The following HCN1 variants were observed in gnomAD, a reference collection of about 807,000 sequenced individuals.
HCN1 encodes the protein hyperpolarization activated cyclic nucleotide gated potassium channel 1.
HCN1 carries 13 observed loss-of-function variants against 78.9 expected under a neutral mutation model. The ratio of observed to expected loss-of-function variants is 0.16; its 90% CI spans 0.11 to 0.26. The LOEUF (loss-of-function observed/expected upper bound fraction) is 0.26. Among genes scored for constraint, HCN1 ranks in the 10% least tolerant of loss-of-function variants. HCN1 has a pLI of 1.00. For missense variants in HCN1, 810 were observed against 1,154.3 expected (o/e 0.70, Z 4.32); for synonymous variants, 552 against 455.5 (o/e 1.21, Z -2.70).
intron 2 of HCN1, among the ~76,000 whole-genome samples, chr5:45,562,420 C>T (rs571026389): frequency 1.3e-5 from 2 of 152,062 alleles, no homozygotes; most frequent in East Asian, 3.9e-4. Flanking sequence ...TCCTGTAATC[C>T]TAACACTTTG....
chr5:45,358,882 C>T (rs938597037), intron 4 of HCN1, among the ~76,000 whole-genome samples: 1 of 152,044 alleles, frequency 6.6e-6, no homozygotes, highest in Non-Finnish European at 1.5e-5. Flanking sequence ...GACAGAGAAA[C>T]ATTTACCATA....
chr5:45,439,409 C>T (rs1366550798), intron 3 of HCN1, among the ~76,000 whole-genome samples: 1 of 151,940 alleles, frequency 6.6e-6, no homozygotes, highest in Non-Finnish European at 1.5e-5. Context: ...CAAATGATAC[C>T]TTAACCTTCA....
In HCN1 at chr5:45,376,501, C is replaced by T. The variant is rs115551716; in HGVS notation, c.1230+19991G>A. On this transcript the variant is annotated intron_variant, in intron 4 of 7. Coordinates refer to ENST00000303230, the MANE Select transcript of HCN1 (RefSeq NM_021072.4). ...TCTTGATCTTGGACTTGTCAGCCTC[C>T]AGAACTGCAAGATATAAATGTTGCA... 2.6e-3 allele frequency among the ~76,000 whole-genome samples: 384 copies of T among 150,232 alleles called. 1 individual carries two copies. The highest frequency in any genetic ancestry group is 8.9e-3 in the African/African-American group (365 of 40,954).
chr5:45,341,422 G>A (rs971629058), intron 5 of HCN1, among the ~76,000 whole-genome samples: 1 of 152,210 alleles, frequency 6.6e-6, no homozygotes, highest in African/African-American at 2.4e-5. Context: ...CAGATCAGCT[G>A]CAGATAAGAG....
intron 6 of HCN1, 128 bp downstream of exon 6, chr5:45,303,469 CTT>C: frequency 1.1e-6 from 1 of 873,824 alleles, no homozygotes; most frequent in Admixed American, 2.0e-5. Context: ...GTTATAGACA[CTT>C]TTATCAGAAT....
chr5:45,301,736 A>G (rs559274957), intron 6 of HCN1, among the ~76,000 whole-genome samples: 4 of 151,464 alleles, frequency 2.6e-5, no homozygotes, highest in African/African-American at 4.8e-5. Flanking sequence ...AAAAAAAAAA[A>G]AAAAGAAAGA....
chr5:45,434,358 G>T (rs919748693), intron 3 of HCN1, among the ~76,000 whole-genome samples: 10 of 152,122 alleles, frequency 6.6e-5, no homozygotes, highest in African/African-American at 2.4e-4. Flanking sequence ...AATCCAAAAG[G>T]TTTACACAGC....
At chr5:45,664,976 G>A (rs1425455295) in intron 1 of HCN1, among the ~76,000 whole-genome samples, 1 of 151,598 alleles carries the variant, frequency 6.6e-6, no homozygotes, top group Non-Finnish European at 1.5e-5. Context: ...TATAAATCAT[G>A]CTGCTATAAA....
Position 45,369,590 on chromosome 5 carries a change from C to T in HCN1, c.1231-16344G>A, listed in dbSNP as rs906483400. 4.6e-5 allele frequency among the ~76,000 whole-genome samples: 7 copies of T among 151,982 alleles called. No individual in the cohort carries two copies. The South Asian group carries it at 8.3e-4, about 18-fold the overall frequency. ...AGAGAAGTCAAGAAATAGATATATT[C>T]GCATCTGCCTGCATCATCAATATTC... On this transcript the variant is annotated intron_variant, in intron 4 of 7. Transcript: ENST00000303230.
At chr5:45,262,845 C>T in intron 7 of HCN1, 35 bp from the exon 8 acceptor site, 2 of 1,610,066 alleles carry the variant, frequency 1.2e-6, no homozygotes, top group Non-Finnish European at 1.7e-6. Flanking sequence ...CTTAGAAAGC[C>T]TACCAATGAC....
chr5:45,498,648 G>A (rs1742108008), intron 2 of HCN1, among the ~76,000 whole-genome samples: 1 of 152,174 alleles, frequency 6.6e-6, no homozygotes, highest in Non-Finnish European at 1.5e-5. Context: ...TCCTTTGGAG[G>A]AGGAGAGGTG....
At chr5:45,369,106 T>C (rs970595031) in intron 4 of HCN1, among the ~76,000 whole-genome samples, 9 of 151,896 alleles carry the variant, frequency 5.9e-5, no homozygotes, top group African/African-American at 2.2e-4. Flanking sequence ...TGGCTTTTTT[T>C]TTTCACTGAG....
At chr5:45,609,824 A>G (rs1294161524) in intron 2 of HCN1, among the ~76,000 whole-genome samples, 1 of 152,180 alleles carries the variant, frequency 6.6e-6, no homozygotes, top group Non-Finnish European at 1.5e-5. Context: ...GGAAGAACCA[A>G]CTAACCCTGC....
intron 3 of HCN1, among the ~76,000 whole-genome samples, chr5:45,415,871 T>C (rs1740107895): frequency 6.6e-6 from 1 of 152,026 alleles, no homozygotes; most frequent in Non-Finnish European, 1.5e-5. Context: ...ATGAGTGGTA[T>C]CTAGGAAAAA....
chr5:45,377,151 A>C (rs945100320), intron 4 of HCN1, among the ~76,000 whole-genome samples: 5 of 152,010 alleles, frequency 3.3e-5, no homozygotes, highest in African/African-American at 1.2e-4. Context: ...GAATTAAAAT[A>C]TCGCAATAAT....
At chr5:45,391,073 G>A (rs1739549907) in intron 4 of HCN1, among the ~76,000 whole-genome samples, 1 of 147,026 alleles carries the variant, frequency 6.8e-6, no homozygotes. Flanking sequence ...AGTACATGCT[G>A]TAGCCTAATA....
chr5:45,550,191 T>C (rs551822424), intron 2 of HCN1, among the ~76,000 whole-genome samples: 86 of 152,252 alleles, frequency 5.6e-4, no homozygotes, highest in African/African-American at 1.9e-3. Flanking sequence ...TAAAGACACA[T>C]GCACACGTAT....
At chr5:45,413,787 G>T (rs1414354845) in intron 3 of HCN1, among the ~76,000 whole-genome samples, 2 of 151,906 alleles carry the variant, frequency 1.3e-5, no homozygotes, top group African/African-American at 4.8e-5. Context: ...CATTTCCAAA[G>T]ACAAATGCAA....
At chr5:45,648,339 T>C (rs1437009690) in intron 1 of HCN1, among the ~76,000 whole-genome samples, 1 of 152,204 alleles carries the variant, frequency 6.6e-6, no homozygotes, top group African/African-American at 2.4e-5. Context: ...ACTACAGTAA[T>C]AATGCTTATC....
Sources: gnomAD v4.1 joint callset for allele counts (sites outside exome capture counted in the v4.1 genomes callset) on GRCh38, gnomAD v4.1.1 for gene constraint, MANE v1.5 for transcripts, NCBI Gene and HGNC (gene_info 2026-07-23, HGNC 2026-07-21) for gene names.